The following PLCE1 variants were observed in gnomAD, a reference collection of about 807,000 sequenced individuals.
PLCE1 encodes phospholipase C epsilon 1.
In PLCE1, 119 loss-of-function variants were observed where a neutral mutation model predicts 242.8. The observed-to-expected ratio is 0.49, with a 90% CI of 0.42 to 0.57. The LOEUF is 0.57. Ranked by LOEUF, PLCE1 falls within the 20% of genes least tolerant of loss-of-function variation. The pLI is 0.00. For missense variants in PLCE1, 2,441 were observed against 2,788.8 expected (o/e 0.88, Z 2.81); for synonymous variants, 945 against 1,017.4 (o/e 0.93, Z 1.35).
chr10:94,252,565 C>T, intron 9 of PLCE1, 67 bp downstream of exon 9: 2 of 1,337,406 alleles, frequency 1.5e-6, no homozygotes, highest in Non-Finnish European at 2.1e-6. Flanking sequence ...TGAACATCAC[C>T]ATAAAACACT....
intron 7 of PLCE1, among the ~76,000 whole-genome samples, chr10:94,240,514 A>G (rs769764414): frequency 2.0e-5 from 3 of 152,278 alleles, no homozygotes; most frequent in Non-Finnish European, 2.9e-5. Flanking sequence ...TTTATTAGAG[A>G]GAACAGCTGT....
At chr10:94,283,643 G>T in intron 20 of PLCE1, 147 bp from the exon 21 acceptor site, 1 of 817,158 alleles carries the variant, frequency 1.2e-6, no homozygotes, top group Admixed American at 2.1e-5. Flanking sequence ...TATGCTTCAA[G>T]CCATCATTTT....
intron 7 of PLCE1, among the ~76,000 whole-genome samples, chr10:94,241,196 C>G (rs931471630): frequency 3.9e-5 from 6 of 152,316 alleles, no homozygotes; most frequent in Middle Eastern, 6.8e-3. Context: ...ACAGCGTCCC[C>G]TCTCTCCCAG....
rs569831379 is a variant in PLCE1 at position 94,017,216 on chromosome 10, T to C, written c.-364-13467T>C. ...TCTGAAAACAGTTCTGTCTGTTTTA[T>C]TTGGGGTTACACCATCCAGAAAAAT... is the stretch of plus-strand genomic sequence containing the variant. On this transcript the variant is annotated intron_variant, in intron 1 of 32. Transcript: ENST00000371380. Among the ~76,000 whole-genome samples, 26 of 152,346 alleles carry C rather than the reference T, an allele frequency of 1.7e-4. No individual in the cohort carries two copies. The East Asian group carries it at 4.8e-3, about 28-fold the overall frequency.
chr10:94,277,196 C>T (rs967441024), intron 19 of PLCE1, among the ~76,000 whole-genome samples: 9 of 152,132 alleles, frequency 5.9e-5, no homozygotes, highest in Non-Finnish European at 1.2e-4. Flanking sequence ...CACCAGGATC[C>T]TCCAGGATTC....
rs139861514 is a variant in PLCE1 at position 94,156,543 on chromosome 10, C to T, written c.1493-14637C>T. On this transcript the variant is annotated intron_variant, in intron 3 of 32. Coordinates refer to ENST00000371380, the MANE Select transcript of PLCE1 (RefSeq NM_016341.4). ...TGTGGGGAAGGAAGTGTGGAGGTTC[C>T]ATACCCTCTCTGGGTGACCACCTTC... Among the ~76,000 whole-genome samples, 9 of 152,226 alleles carry T rather than the reference C, an allele frequency of 5.9e-5. No homozygotes were observed. The East Asian group carries it at 1.7e-3, about 29-fold the overall frequency.
chr10:94,243,564 C>A (rs1207326600), intron 7 of PLCE1, among the ~76,000 whole-genome samples: 1 of 152,160 alleles, frequency 6.6e-6, no homozygotes, highest in Non-Finnish European at 1.5e-5. Flanking sequence ...GGTACACTGT[C>A]TTTGGAATTT....
chr10:94,181,777 G>A (rs2048319674), intron 4 of PLCE1, among the ~76,000 whole-genome samples: 2 of 136,622 alleles, frequency 1.5e-5, no homozygotes, highest in South Asian at 4.3e-4. Context: ...AATTGACAGG[G>A]CATGGTGGTG....
At chr10:94,066,674 G>A (rs929126108) in intron 2 of PLCE1, among the ~76,000 whole-genome samples, 3 of 152,102 alleles carry the variant, frequency 2.0e-5, no homozygotes, top group Non-Finnish European at 4.4e-5. Context: ...TGGGCCCCTT[G>A]TCTTTCCATT....
intron 4 of PLCE1, among the ~76,000 whole-genome samples, chr10:94,187,278 G>A (rs1564769332): frequency 6.6e-6 from 1 of 151,768 alleles, no homozygotes; most frequent in Non-Finnish European, 1.5e-5. Context: ...CTGGTTTGTT[G>A]GAAGGGAGTT....
At chr10:94,148,790 G>A (rs536470726) in intron 3 of PLCE1, among the ~76,000 whole-genome samples, 2 of 152,338 alleles carry the variant, frequency 1.3e-5, no homozygotes, top group African/African-American at 4.8e-5. Flanking sequence ...GCAAAGCGTA[G>A]ACGTCATACC....
At chr10:94,064,195 G>A (rs980732623) in intron 2 of PLCE1, among the ~76,000 whole-genome samples, 1 of 152,154 alleles carries the variant, frequency 6.6e-6, no homozygotes, top group Admixed American at 6.5e-5. Flanking sequence ...ACTCAAGAGT[G>A]ATCACAATGG....
chr10:94,327,788 C>A (rs1489258697), intron 32 of PLCE1, among the ~76,000 whole-genome samples, 180 bp from the exon 33 acceptor site: 1 of 151,988 alleles, frequency 6.6e-6, no homozygotes, highest in East Asian at 1.9e-4. Context: ...CAGAAATAAC[C>A]TAATGTTCTA....
intron 2 of PLCE1, chr10:94,104,887 A>G (rs950771127): frequency 2.0e-5 from 3 of 152,200 alleles, no homozygotes; most frequent in African/African-American, 7.2e-5. Flanking sequence ...TGAGTAACCT[A>G]TTTTCAAACC....
intron 7 of PLCE1, among the ~76,000 whole-genome samples, chr10:94,238,306 G>A (rs1476913744): frequency 6.6e-6 from 1 of 152,144 alleles, no homozygotes; most frequent in African/African-American, 2.4e-5. Context: ...AGGGAATTGG[G>A]TTGAAAAAAT....
chr10:94,126,108 T>C (rs192937456), intron 2 of PLCE1, among the ~76,000 whole-genome samples: 15 of 152,336 alleles, frequency 9.8e-5, no homozygotes, highest in Admixed American at 9.2e-4. Context: ...TGCAAATGCC[T>C]TTTAAAGTGT....
At chr10:94,150,212 G>A (rs2047232643) in intron 3 of PLCE1, among the ~76,000 whole-genome samples, 1 of 152,190 alleles carries the variant, frequency 6.6e-6, no homozygotes, top group Non-Finnish European at 1.5e-5. Flanking sequence ...CATGTCTTCT[G>A]TACTTCTCAA....
At chr10:94,099,121 G>A (rs780503496) in intron 2 of PLCE1, among the ~76,000 whole-genome samples, 84 of 152,302 alleles carry the variant, frequency 5.5e-4, no homozygotes, top group Middle Eastern at 6.8e-3. Context: ...GCTACACTTG[G>A]CTCAAACCCC....
chr10:94,119,584 C>A (rs1471383645), intron 2 of PLCE1, among the ~76,000 whole-genome samples: 1 of 152,184 alleles, frequency 6.6e-6, no homozygotes, highest in Non-Finnish European at 1.5e-5. Context: ...CTTCCTCAAC[C>A]TTGCCCTAGC....
Sources: allele counts gnomAD v4.1 joint callset (sites outside exome capture counted in the v4.1 genomes callset), GRCh38; gene constraint gnomAD v4.1.1; transcripts MANE v1.5; gene names NCBI Gene and HGNC (gene_info 2026-07-23, HGNC 2026-07-21).